Variants in ABL2 observed in about 807,000 individuals in gnomAD.
The protein encoded by ABL2 is ABL proto-oncogene 2, non-receptor tyrosine kinase, also known as tyrosine-protein kinase ABL2.
Under a neutral mutation model 107.7 loss-of-function variants are expected in ABL2, and 49 were observed. That is an observed-to-expected ratio of 0.45 (90% CI 0.36 to 0.58). The LOEUF (loss-of-function observed/expected upper bound fraction) is 0.58. ABL2 is among the 20% of genes least tolerant of loss of function. The pLI, the probability that ABL2 is intolerant of heterozygous loss-of-function variation, is 0.00. For missense variants in ABL2, 1,245 were observed against 1,457.0 expected (o/e 0.85, Z 2.37); for synonymous variants, 549 against 548.6 (o/e 1.00, Z -0.01).
chr1:179,120,309 A>G (rs1004213082), intron 5 of ABL2, 35 bp from the exon 6 acceptor site: 3 of 1,385,466 alleles, frequency 2.2e-6, no homozygotes, highest in Non-Finnish European at 3.1e-6. Context: ...GAAGAAAACG[A>G]GAGGGACAAA....
chr1:179,162,616 C>T (rs1659139089), intron 1 of ABL2, among the ~76,000 whole-genome samples: 1 of 151,838 alleles, frequency 6.6e-6, no homozygotes, highest in South Asian at 2.1e-4. Flanking sequence ...TTTAAAAAAC[C>T]CCAAAAAATA....
At chr1:179,206,118 C>A (rs889704581) in intron 1 of ABL2, among the ~76,000 whole-genome samples, 3 of 152,116 alleles carry the variant, frequency 2.0e-5, no homozygotes, top group African/African-American at 7.2e-5. Context: ...CAGCTTAGTT[C>A]AAGTCTATAC....
rs946363035 is a variant in ABL2 at position 179,142,844 on chromosome 1, G to T, written c.158-9470C>A. The stretch of plus-strand genomic sequence containing the variant: ...ACCAAGAATGAAGACAAAAACAGTA[G>T]CAGATAAGATGAATTTTTTGAAATC... On this transcript the variant is annotated intron_variant, in intron 1 of 11. Coordinates refer to ENST00000502732, the MANE Select transcript of ABL2 (RefSeq NM_007314.4). The T allele has an allele frequency of 3.5e-6, 5 of 1,437,052 alleles. No homozygotes were observed. In the Admixed American group the frequency reaches 8.9e-5, roughly 25 times the overall value. The allele number at this position is 1,437,052 out of a possible 1,614,324, so 89.0% of individuals were successfully genotyped here. A position where few individuals can be genotyped will look rare whatever the true frequency, so the allele number is the denominator to read the frequency against.
chr1:179,228,361 CAAAAACAAAACAA>C (rs998801344), intron 1 of ABL2, among the ~76,000 whole-genome samples: 11 of 151,688 alleles, frequency 7.3e-5, no homozygotes, highest in Admixed American at 2.6e-4. Context: ...AAAACAAAAA[CAAAAACAAAACAA>C]AAAAACAAGA....
intron 1 of ABL2, among the ~76,000 whole-genome samples, chr1:179,197,805 G>A (rs1362141055): frequency 6.6e-6 from 1 of 151,372 alleles, no homozygotes; most frequent in Non-Finnish European, 1.5e-5. Flanking sequence ...GGAGGTAGAG[G>A]CTGCAGTGAG....
chr1:179,154,053 A>G (rs559644323), intron 1 of ABL2, among the ~76,000 whole-genome samples: 14 of 152,248 alleles, frequency 9.2e-5, no homozygotes, highest in African/African-American at 2.9e-4. Flanking sequence ...CCTATGAATC[A>G]TACCTCTTAA....
chr1:179,135,241 TGAG>T (rs894673101), intron 1 of ABL2, among the ~76,000 whole-genome samples: 53 of 148,470 alleles, frequency 3.6e-4, no homozygotes, highest in Admixed American at 1.1e-3. Context: ...GTCTGGAAAG[TGAG>T]GAGCATCTCT....
In ABL2 at chr1:179,105,101, CTT is replaced by C; in HGVS notation, c.*2615_*2616del. ...GTATGCTCCAATAGTCAATGCCACTCTTGACAGTGTTGACAAAAATCAATTCC... is the reference window on the plus strand; with the variant it reads ...GTATGCTCCAATAGTCAATGCCACTCGACAGTGTTGACAAAAATCAATTCC... On this transcript the variant is annotated 3_prime_UTR_variant, in exon 12 of 12. Transcript: ENST00000502732. 1 of 230,760 alleles carries C rather than the reference CTT, an allele frequency of 4.3e-6. No individual in the cohort carries two copies. The highest frequency in any genetic ancestry group is 8.6e-6 in the Non-Finnish European group (1 of 116,430). 14.3% of individuals were successfully genotyped at this position (230,760 alleles called of 1,614,324 possible). A position where few individuals can be genotyped will look rare whatever the true frequency, so the allele number is the denominator to read the frequency against.
intron 6 of ABL2, among the ~76,000 whole-genome samples, chr1:179,119,112 T>C (rs1189254058): frequency 6.6e-6 from 1 of 152,168 alleles, no homozygotes; most frequent in Admixed American, 6.5e-5. Context: ...AGGCTAACAA[T>C]ACTTATTCAA....
At chr1:179,183,489 T>G (rs1342035302) in intron 1 of ABL2, among the ~76,000 whole-genome samples, 1 of 152,168 alleles carries the variant, frequency 6.6e-6, no homozygotes, top group Non-Finnish European at 1.5e-5. Flanking sequence ...GAGTGCATCT[T>G]TCTATGTATG....
At chr1:179,209,781 C>CA (rs1240630312) in intron 1 of ABL2, among the ~76,000 whole-genome samples, 1 of 152,164 alleles carries the variant, frequency 6.6e-6, no homozygotes, top group Non-Finnish European at 1.5e-5. Flanking sequence ...AAAAACAAAC[C>CA]AGCAGGAGAT....
At chr1:179,164,043 A>AG (rs1176089046) in intron 1 of ABL2, among the ~76,000 whole-genome samples, 2 of 152,142 alleles carry the variant, frequency 1.3e-5, no homozygotes, top group South Asian at 2.1e-4. Context: ...CAGGGATTAA[A>AG]GGGGGGGAAT....
intron 1 of ABL2, among the ~76,000 whole-genome samples, chr1:179,210,466 T>C (rs1172696628): frequency 7.5e-6 from 1 of 134,194 alleles, no homozygotes; most frequent in Non-Finnish European, 1.5e-5. Context: ...ATCATGCCAC[T>C]TGCACTCCAA....
intron 4 of ABL2, among the ~76,000 whole-genome samples, chr1:179,122,199 C>T (rs186071519): frequency 1.3e-4 from 20 of 150,790 alleles, no homozygotes; most frequent in Admixed American, 7.3e-4. Flanking sequence ...CAAGCATGAG[C>T]CACCGCTCCC....
At chr1:179,136,826 G>A (rs1321296986) in intron 1 of ABL2, among the ~76,000 whole-genome samples, 1 of 150,954 alleles carries the variant, frequency 6.6e-6, no homozygotes, top group Non-Finnish European at 1.5e-5. Context: ...TGAGGCACGA[G>A]AATTGCTTGA....
chr1:179,178,401 C>CAGAAAAAAAAAAAAA (rs1660169917), intron 1 of ABL2, among the ~76,000 whole-genome samples: 1 of 68,642 alleles, frequency 1.5e-5, no homozygotes, highest in Non-Finnish European at 2.8e-5. Flanking sequence ...GACTCTGCCT[C>CAGAAAAAAAAAAAAA]AAAAAAAAAA....
At chr1:179,195,764 A>C (rs1661274394) in intron 1 of ABL2, among the ~76,000 whole-genome samples, 2 of 152,240 alleles carry the variant, frequency 1.3e-5, no homozygotes, top group African/African-American at 4.8e-5. Context: ...GATTAAGTTA[A>C]ATGAAATGAG....
chr1:179,179,960 A>C (rs1048448084), intron 1 of ABL2, among the ~76,000 whole-genome samples: 3 of 151,502 alleles, frequency 2.0e-5, no homozygotes. Context: ...AAAAAAAAAA[A>C]ATTAGCCAGG....
At chr1:179,144,209 G>A (rs1279365900) in intron 1 of ABL2, among the ~76,000 whole-genome samples, 2 of 152,070 alleles carry the variant, frequency 1.3e-5, no homozygotes, top group African/African-American at 2.4e-5. Context: ...TGTAATCCCA[G>A]CACTTTGGGA....
Sources: gnomAD v4.1 joint callset for allele counts (sites outside exome capture counted in the v4.1 genomes callset) on GRCh38, gnomAD v4.1.1 for gene constraint, MANE v1.5 for transcripts, NCBI Gene and HGNC (gene_info 2026-07-23, HGNC 2026-07-21) for gene names.